Variants in STK39 observed in about 807,000 individuals in gnomAD.
STK39 encodes STE20/SPS1-related proline-alanine-rich protein kinase.
In STK39, 20 loss-of-function variants were observed where a neutral mutation model predicts 77.8. The observed-to-expected ratio is 0.26, with a 90% CI of 0.18 to 0.37. The LOEUF (loss-of-function observed/expected upper bound fraction) is 0.37. Ranked by LOEUF, STK39 falls within the 10% of genes least tolerant of loss-of-function variation. The pLI is 1.00. For synonymous variants in STK39, 246 were observed against 234.1 expected, an observed-to-expected ratio of 1.05 and a Z score of -0.47; for missense variants, 479 against 656.5, an observed-to-expected ratio of 0.73 and a Z score of 2.95.
chr2:168,206,034 GC>G (rs1689733064), intron 1 of STK39, among the ~76,000 whole-genome samples: 1 of 152,008 alleles, frequency 6.6e-6, no homozygotes, highest in African/African-American at 2.4e-5. Context: ...TCAAATCAAA[GC>G]CCCCAATTCA....
At chr2:168,084,398 G>A (rs748296422) in intron 10 of STK39, among the ~76,000 whole-genome samples, 42 of 152,302 alleles carry the variant, frequency 2.8e-4, no homozygotes, top group Non-Finnish European at 4.1e-4. Context: ...CAGCAAGCAC[G>A]AGAGACCCCG....
chr2:168,226,681 A>T (rs1690316063), intron 1 of STK39, among the ~76,000 whole-genome samples: 2 of 148,968 alleles, frequency 1.3e-5, no homozygotes, highest in African/African-American at 5.0e-5. Flanking sequence ...GGTCTGGGTC[A>T]AATCGGGAAT....
At chr2:168,244,670 T>C (rs1255976612) in intron 1 of STK39, among the ~76,000 whole-genome samples, 6 of 152,236 alleles carry the variant, frequency 3.9e-5, no homozygotes, top group Admixed American at 3.9e-4. Flanking sequence ...TGTAATTCCT[T>C]ATAAACATTA....
At chr2:168,131,128 A>G (rs1687686798) in intron 8 of STK39, among the ~76,000 whole-genome samples, 1 of 152,228 alleles carries the variant, frequency 6.6e-6, no homozygotes, top group Non-Finnish European at 1.5e-5. Flanking sequence ...AAGAAATGCA[A>G]GCTAAAGTAT....
intron 14 of STK39, among the ~76,000 whole-genome samples, chr2:168,020,538 A>T (rs1419117542): frequency 6.6e-6 from 1 of 151,962 alleles, no homozygotes; most frequent in Admixed American, 6.6e-5. Context: ...TCCCAGGGTC[A>T]CTGGACTACA....
intron 10 of STK39, among the ~76,000 whole-genome samples, chr2:168,115,412 T>C (rs904813878): frequency 6.6e-6 from 1 of 152,218 alleles, no homozygotes; most frequent in Non-Finnish European, 1.5e-5. Context: ...TATGTGTCAA[T>C]AATTATAAAC....
chr2:167,957,787 T>C (rs944955955), intron 17 of STK39, among the ~76,000 whole-genome samples: 8 of 152,178 alleles, frequency 5.3e-5, no homozygotes, highest in Admixed American at 2.6e-4. Context: ...TGACTAGAAA[T>C]GAGAATATTA....
At chr2:168,207,960 T>C (rs1689784540) in intron 1 of STK39, among the ~76,000 whole-genome samples, 1 of 151,956 alleles carries the variant, frequency 6.6e-6, no homozygotes, top group Non-Finnish European at 1.5e-5. Context: ...AGAACAGTAG[T>C]GGGAAAGGCA....
At chr2:168,199,129 T>C (rs1409007620) in intron 1 of STK39, among the ~76,000 whole-genome samples, 1 of 152,180 alleles carries the variant, frequency 6.6e-6, no homozygotes, top group East Asian at 1.9e-4. Flanking sequence ...AAAAATCCTA[T>C]ATTCCTTATA....
chr2:167,998,380 G>T (rs2105293123), intron 16 of STK39, among the ~76,000 whole-genome samples: 1 of 152,248 alleles, frequency 6.6e-6, no homozygotes, highest in African/African-American at 2.4e-5. Flanking sequence ...ACTTGAAATG[G>T]CAGGTTTGCT....
intron 16 of STK39, among the ~76,000 whole-genome samples, chr2:167,983,897 T>C (rs1450016614): frequency 2.0e-5 from 3 of 152,070 alleles, no homozygotes; most frequent in African/African-American, 7.2e-5. Flanking sequence ...CCAAGGGAGG[T>C]AGGCAGTAGT....
chr2:168,203,785 G>A (rs1251021977), intron 1 of STK39, among the ~76,000 whole-genome samples: 1 of 152,196 alleles, frequency 6.6e-6, no homozygotes, highest in Non-Finnish European at 1.5e-5. Context: ...GTAGAGACGG[G>A]GTTTCACCAT....
At chr2:168,065,486 T>A (rs1390235747) in intron 12 of STK39, 105 bp from the exon 13 acceptor site, 1 of 1,203,608 alleles carries the variant, frequency 8.3e-7, no homozygotes, top group Non-Finnish European at 1.2e-6. Flanking sequence ...TTCCAAACGA[T>A]CATAAAGCAA....
At chr2:168,088,117 A>T (rs1204437199) in intron 10 of STK39, among the ~76,000 whole-genome samples, 1 of 152,188 alleles carries the variant, frequency 6.6e-6, no homozygotes, top group Non-Finnish European at 1.5e-5. Context: ...TGGAAACTCC[A>T]TTCAGACTCA....
At chr2:167,963,246 A>C (rs1692044598) in intron 17 of STK39, among the ~76,000 whole-genome samples, 1 of 152,118 alleles carries the variant, frequency 6.6e-6, no homozygotes, top group Admixed American at 6.5e-5. Context: ...TTAGGAGATG[A>C]GGGAGAGTTT....
At chr2:167,968,994 G>A (rs187090639) in intron 16 of STK39, among the ~76,000 whole-genome samples, 26 of 152,172 alleles carry the variant, frequency 1.7e-4, no homozygotes, top group African/African-American at 4.8e-4. Context: ...CCAGGGTGCC[G>A]GGGTTCAAAT....
At chr2:167,959,971 C>G (rs1028346463) in intron 17 of STK39, among the ~76,000 whole-genome samples, 9 of 152,200 alleles carry the variant, frequency 5.9e-5, no homozygotes, top group Non-Finnish European at 8.8e-5. Context: ...TTGAGGCCCA[C>G]GCTTTGTGAG....
chr2:168,247,061 T>TAAAAAAA (rs755613797), intron 1 of STK39, among the ~76,000 whole-genome samples, 167 bp downstream of exon 1: 63 of 89,284 alleles, frequency 7.1e-4, no homozygotes, highest in African/African-American at 2.7e-3. Flanking sequence ...CATTAAAAAT[T>TAAAAAAA]AAAAAAAAAA....
At chr2:168,207,308 AGG>A (rs1381373598) in intron 1 of STK39, among the ~76,000 whole-genome samples, 1 of 152,222 alleles carries the variant, frequency 6.6e-6, no homozygotes, top group Middle Eastern at 3.2e-3. Flanking sequence ...CACCCTAACG[AGG>A]GAAGTAACTG....
Sources: gnomAD v4.1 joint callset for allele counts (sites outside exome capture counted in the v4.1 genomes callset) on GRCh38, gnomAD v4.1.1 for gene constraint, MANE v1.5 for transcripts, NCBI Gene and HGNC (gene_info 2026-07-23, HGNC 2026-07-21) for gene names.